Variants in ABCC2 observed in about 807,000 individuals in gnomAD.
ABCC2 encodes the protein ATP-binding cassette sub-family C member 2.
ABCC2 carries 157 observed loss-of-function variants against 173.4 expected under a neutral mutation model. The ratio of observed to expected loss-of-function variants is 0.91; its 90% CI spans 0.80 to 1.03. ABCC2 has a LOEUF of 1.03. Among genes scored for constraint, ABCC2 ranks in the 50% least tolerant of loss-of-function variants. The pLI is 0.00. For synonymous variants in ABCC2, 657 were observed against 693.5 expected (o/e 0.95, Z 0.83); for missense variants, 1,822 against 1,852.3 (o/e 0.98, Z 0.30).
intron 13 of ABCC2, 90 bp from the exon 14 acceptor site, chr10:99,810,044 G>C: frequency 8.0e-7 from 1 of 1,255,692 alleles, no homozygotes; most frequent in Non-Finnish European, 1.2e-6. Context: ...GTGGCAAATA[G>C]AAAATCATGG....
At chr10:99,813,408 T>C (rs966068844) in intron 16 of ABCC2, among the ~76,000 whole-genome samples, 7 of 152,012 alleles carry the variant, frequency 4.6e-5, no homozygotes. Flanking sequence ...ATTAGAGAGG[T>C]CTTCCTTCAA....
In ABCC2 at chr10:99,833,879, C is replaced by T. The variant is rs1028305362; in HGVS notation, c.3259-501C>T. On this transcript the variant is annotated intron_variant, in intron 23 of 31. Transcript: ENST00000647814. ...GTGTTCTCCAAACCATCCATCCATTCATTCATTTTTCTTATTTGTTCATTT... is the reference window on the plus strand; with the variant it reads ...GTGTTCTCCAAACCATCCATCCATTTATTCATTTTTCTTATTTGTTCATTT... 7.2e-5 allele frequency among the ~76,000 whole-genome samples: 11 copies of T among 152,288 alleles called. No individual in the cohort carries two copies. The East Asian group carries it at 2.1e-3, about 29-fold the overall frequency.
In ABCC2 at chr10:99,792,330, A is replaced by G; in HGVS notation, c.304A>G (p.Thr102Ala). 1.2e-6 allele frequency: 2 copies of G among 1,614,094 alleles called. No individual in the cohort carries two copies. Among genetic ancestry groups the G allele is most frequent in the Non-Finnish European group, 1.7e-6 (2 of 1,179,982 alleles). ...AGCCACAGTCCCTGCTGTTCGATAT[A>G]CCAATCCAAGCCTCTACCTAGGCAC... Reference protein sequence around the residue: ...GQATVPAVRYTNPSLYLGTWL... With the variant: ...GQATVPAVRYANPSLYLGTWL... The change falls in exon 3 of 32, where the codon ACC becomes GCC. Residue 102 changes from threonine (T) to alanine (A), a missense_variant. Transcript: ENST00000647814.
chr10:99,820,190 G>A (rs777607232), intron 19 of ABCC2, among the ~76,000 whole-genome samples: 2 of 152,002 alleles, frequency 1.3e-5, no homozygotes, highest in African/African-American at 2.4e-5. Flanking sequence ...TCAGGAGTTC[G>A]AGGCCAGCCT....
intron 13 of ABCC2, 79 bp from the exon 14 acceptor site, chr10:99,810,055 A>G: frequency 7.5e-7 from 1 of 1,335,718 alleles, no homozygotes; most frequent in Non-Finnish European, 1.1e-6. Flanking sequence ...AAAATCATGG[A>G]CTAACGACAA....
Position 99,831,679 on chromosome 10 carries a change from T to G in ABCC2, c.2952T>G (p.Leu984=). The G allele has an allele frequency of 6.2e-7, 1 of 1,614,170 alleles. No individual in the cohort carries two copies. Residue 984 remains leucine (L), a synonymous_variant, in exon 22 of 32, where the codon CTT becomes CTG. Coordinates refer to ENST00000647814, the MANE Select transcript of ABCC2 (RefSeq NM_000392.5). ...TGTTTTCGATATTCTTCATCATCCTTGCGTTTGTGATGAATTCTGTGGCTT... is the reference window on the plus strand; with the variant it reads ...TGTTTTCGATATTCTTCATCATCCTGGCGTTTGTGATGAATTCTGTGGCTT... ...IGLFSIFFII[L]AFVMNSVAFI...
chr10:99,797,694 T>C (rs1342608559), intron 7 of ABCC2: 6 of 277,658 alleles, frequency 2.2e-5, no homozygotes, highest in South Asian at 8.5e-5. Context: ...GTGACCATTC[T>C]GGGCACTAAA....
At chr10:99,844,242 C>A (rs1050971943) in intron 27 of ABCC2, 80 bp from the exon 28 acceptor site, 5 of 1,563,720 alleles carry the variant, frequency 3.2e-6, no homozygotes, top group Non-Finnish European at 4.4e-6. Context: ...TTCTCCTGTT[C>A]TATGACACGA....
In ABCC2 at chr10:99,784,541, G is replaced by A. The variant is rs546208381; in HGVS notation, c.34-67G>A. ...TTAAATTGTGTGAAAGCAGTGGGAT[G>A]TGCTGCAGGGTGGTTTTCTGTCTTC... On this transcript the variant is annotated intron_variant, in intron 1 of 31. Transcript: ENST00000647814. The A allele has an allele frequency of 7.3e-6, 11 of 1,505,444 alleles. No homozygotes were observed. In the East Asian group the frequency reaches 2.3e-4, roughly 31 times the overall value. 93.3% of individuals were successfully genotyped at this position (1,505,444 alleles called of 1,614,324 possible).
intron 16 of ABCC2, among the ~76,000 whole-genome samples, chr10:99,814,743 A>ATGTATGTATATACACATATATGTGTGTG (rs2038365533): frequency 2.1e-5 from 3 of 140,196 alleles, no homozygotes; most frequent in African/African-American, 7.9e-5. Flanking sequence ...GTATGTGTAT[A>ATGTATGTATATACACATATATGTGTGTG]TGTATGTATA....
chr10:99,818,836 G>A lies in ABCC2; in HGVS notation c.2318G>A (p.Arg773Lys), dbSNP rs1157957721. 1 of 1,614,170 alleles carries A rather than the reference G, an allele frequency of 6.2e-7. No individual in the cohort carries two copies. The highest frequency in any genetic ancestry group is 1.1e-5 in the South Asian group (1 of 91,084). The change falls in exon 18 of 32, where the codon AGA (arginine) becomes AAA (lysine). Residue 773 changes from arginine (R) to lysine (K), a missense_variant. Transcript: ENST00000647814. ...GGQKQRISLARATYQNLDIYL... is the reference protein window; with the variant it reads ...GGQKQRISLAKATYQNLDIYL... Reference sequence around the variant, plus strand: ...CAGAAGCAGCGGATCAGCCTGGCCAGAGCTACCTACCAAAATTTAGACATC... The same window carrying A: ...CAGAAGCAGCGGATCAGCCTGGCCAAAGCTACCTACCAAAATTTAGACATC...
At chr10:99,794,098 GC>G in intron 5 of ABCC2, 99 bp downstream of exon 5, 1 of 1,177,190 alleles carries the variant, frequency 8.5e-7, no homozygotes, top group Non-Finnish European at 1.2e-6. Context: ...GGCGCCACAA[GC>G]CCAGAATAAG....
At chr10:99,837,311 AT>A (rs2038842075) in intron 25 of ABCC2, among the ~76,000 whole-genome samples, 2 of 102,594 alleles carry the variant, frequency 1.9e-5, no homozygotes, top group South Asian at 7.7e-4. Context: ...AATTTTTTTT[AT>A]TTTTAGTAGA....
rs780038218 is a variant in ABCC2 at position 99,800,418 on chromosome 10, C to T, written c.1064C>T (p.Thr355Ile). ...LLISFASDRD[T>I]YLWIGYLCAI... is the part of the protein sequence containing the mutation. ...ATCTCCTTTGCAAGTGACCGTGACA[C>T]ATATTTGTGGATTGGATATCTCTGT... is the stretch of plus-strand genomic sequence containing the variant. The change falls in exon 9 of 32, where the codon ACA (threonine) becomes ATA (isoleucine). Residue 355 changes from threonine to isoleucine, a missense_variant. By Grantham distance (89) the Thr-to-Ile change is moderately conservative. Coordinates refer to ENST00000647814, the MANE Select transcript of ABCC2 (RefSeq NM_000392.5). 2 of 1,614,180 alleles carry T rather than the reference C, an allele frequency of 1.2e-6. No homozygotes were observed. The highest frequency in any genetic ancestry group is 1.7e-6 in the Non-Finnish European group (2 of 1,180,036).
chr10:99,831,839 G>A lies in ABCC2; in HGVS notation c.3103+9G>A. 1 of 1,613,772 alleles carries A rather than the reference G, an allele frequency of 6.2e-7. No individual in the cohort carries two copies. Among genetic ancestry groups the A allele is most frequent in the Non-Finnish European group, 8.5e-7 (1 of 1,179,648 alleles). On this transcript the variant is annotated intron_variant, in intron 22 of 31. Coordinates refer to ENST00000647814, the MANE Select transcript of ABCC2 (RefSeq NM_000392.5). ...TCTGGGATTAGCCCAAGGTATGTCT[G>A]ATGGCTATGACATCTTACAGAATCT...
intron 20 of ABCC2, 90 bp from the exon 21 acceptor site, chr10:99,830,626 G>C (rs550376934): frequency 6.3e-7 from 1 of 1,598,920 alleles, no homozygotes; most frequent in Non-Finnish European, 8.6e-7. Flanking sequence ...CCTGAAATGC[G>C]CTTTGATGCC....
Position 99,843,729 on chromosome 10 carries a change from C to T in ABCC2, c.3742-70C>T, listed in dbSNP as rs565787890. 3.1e-6 allele frequency: 4 copies of T among 1,301,902 alleles called. No individual in the cohort carries two copies. In the South Asian group the frequency reaches 4.7e-5, roughly 15 times the overall value. The allele number at this position is 1,301,902 out of a possible 1,614,324, so 80.6% of individuals were successfully genotyped here. A position where few individuals can be genotyped will look rare whatever the true frequency, so the allele number is the denominator to read the frequency against. The stretch of plus-strand genomic sequence containing the variant: ...GGGTACAAAGTCGGCACTGGATTGT[C>T]CTTGTGGTTTGAGTGGTTGAGTTGG... On this transcript the variant is annotated intron_variant, in intron 26 of 31. Transcript: ENST00000647814.
Position 99,842,105 on chromosome 10 carries a change from G to A in ABCC2, c.3741+12G>A. On this transcript the variant is annotated intron_variant, in intron 26 of 31. Transcript: ENST00000647814. ...CCAATGCACTCAATGTGAGTTTGAA[G>A]GTTGGGAGTTTGGTTTCGTTAGTGT... The A allele has an allele frequency of 6.2e-7, 1 of 1,614,120 alleles. No individual in the cohort carries two copies. The highest frequency in any genetic ancestry group is 8.5e-7 in the Non-Finnish European group (1 of 1,179,998).
chr10:99,809,349 T>A (rs2038169606), intron 13 of ABCC2, among the ~76,000 whole-genome samples: 1 of 152,136 alleles, frequency 6.6e-6, no homozygotes, highest in Non-Finnish European at 1.5e-5. Context: ...TGAGACTCCA[T>A]CTCAAAACAA....
Sources: allele counts gnomAD v4.1 joint callset (sites outside exome capture counted in the v4.1 genomes callset), GRCh38; gene constraint gnomAD v4.1.1; transcripts MANE v1.5; gene names NCBI Gene and HGNC (gene_info 2026-07-23, HGNC 2026-07-21).